The following SLC16A9 variants were observed in gnomAD, a reference collection of about 807,000 sequenced individuals.
SLC16A9 encodes the protein monocarboxylate transporter 9.
In SLC16A9, 26 loss-of-function variants were observed where a neutral mutation model predicts 44.3. That is an observed-to-expected ratio of 0.59 (90% CI 0.43 to 0.81). The LOEUF (loss-of-function observed/expected upper bound fraction) is 0.81. Among genes scored for constraint, SLC16A9 ranks in the 40% least tolerant of loss-of-function variants. SLC16A9 has a pLI of 0.00. For synonymous variants in SLC16A9, 230 were observed against 225.1 expected (o/e 1.02, Z -0.19); for missense variants, 559 against 595.8 (o/e 0.94, Z 0.64).
rs1840331737 is a variant in SLC16A9 at position 59,694,778 on chromosome 10, T to G, written c.-36-10451A>C. On this transcript the variant is annotated intron_variant, in intron 1 of 5. Transcript: ENST00000395348. ...TCGTGCTACTGCGCTCCAACCTGGG[T>G]AACAGAGCGAGACTCCATCTCAAAT... Among the ~76,000 whole-genome samples, 3 of 85,900 alleles carry G rather than the reference T, an allele frequency of 3.5e-5. No homozygotes were observed. In the South Asian group the frequency reaches 1.0e-3, roughly 30 times the overall value. 56.4% of individuals were successfully genotyped at this position (85,900 alleles called of 152,430 possible).
At chr10:59,696,601 C>T (rs1252078792) in intron 1 of SLC16A9, among the ~76,000 whole-genome samples, 7 of 151,028 alleles carry the variant, frequency 4.6e-5, no homozygotes, top group Admixed American at 1.3e-4. Flanking sequence ...TGCCTGGCTG[C>T]CCAGTCTGGA....
chr10:59,703,262 C>T (rs917342519), intron 1 of SLC16A9, among the ~76,000 whole-genome samples: 2 of 152,214 alleles, frequency 1.3e-5, no homozygotes, highest in Admixed American at 6.5e-5. Flanking sequence ...GCTAGGACTA[C>T]AGGCAGGTGC....
intron 1 of SLC16A9, among the ~76,000 whole-genome samples, chr10:59,696,664 T>C (rs1190855712): frequency 6.8e-6 from 1 of 146,054 alleles, no homozygotes; most frequent in Non-Finnish European, 1.5e-5. Flanking sequence ...GTGAGGAGTG[T>C]CTCTGCCCGG....
intron 1 of SLC16A9, among the ~76,000 whole-genome samples, chr10:59,684,882 G>A (rs1840098976): frequency 1.3e-5 from 2 of 152,182 alleles, no homozygotes; most frequent in Admixed American, 6.5e-5. Context: ...ATCATGCACT[G>A]GATGTGGCTA....
At chr10:59,697,681 G>A (rs1303681486) in intron 1 of SLC16A9, among the ~76,000 whole-genome samples, 6 of 147,356 alleles carry the variant, frequency 4.1e-5, no homozygotes, top group Non-Finnish European at 9.0e-5. Flanking sequence ...CTATTGTCCT[G>A]TGACCCTGCC....
chr10:59,675,064 G>C (rs1005779643), intron 2 of SLC16A9, among the ~76,000 whole-genome samples: 1 of 152,018 alleles, frequency 6.6e-6, no homozygotes, highest in Admixed American at 6.6e-5. Context: ...ATGGAAACAG[G>C]GTTTAAAATT....
At chr10:59,700,756 C>T (rs979484735) in intron 1 of SLC16A9, among the ~76,000 whole-genome samples, 2 of 152,194 alleles carry the variant, frequency 1.3e-5, no homozygotes, top group African/African-American at 4.8e-5. Context: ...TGATTTCTGG[C>T]TTCTGATGCA....
rs757332576 is a variant in SLC16A9, at chr10:59,653,715, G to C, written c.1311C>G (p.Phe437Leu). The stretch of plus-strand genomic sequence containing the variant: ...CTAGGCTATTTCCAAGTCCAGCAAA[G>C]AACATTAATATCCCATAGGCATGGG... ...KLAHAYGILM[F>L]FAGLGNSLGP... The change falls in exon 5 of 6, where the codon TTC becomes TTG. Residue 437 changes from phenylalanine (F) to leucine (L), a missense_variant. Coordinates refer to ENST00000395348, the MANE Select transcript of SLC16A9 (RefSeq NM_194298.3). 6.2e-7 allele frequency: 1 copy of C among 1,613,940 alleles called. No homozygotes were observed. The highest frequency in any genetic ancestry group is 8.5e-7 in the Non-Finnish European group (1 of 1,179,948).
intron 1 of SLC16A9, among the ~76,000 whole-genome samples, chr10:59,692,120 C>G (rs1327167611): frequency 6.6e-6 from 1 of 152,196 alleles, no homozygotes; most frequent in Non-Finnish European, 1.5e-5. Context: ...ATTTGAATCT[C>G]AATCACTACC....
intron 3 of SLC16A9, among the ~76,000 whole-genome samples, chr10:59,669,108 A>G (rs1564700387): frequency 2.6e-5 from 4 of 152,196 alleles, no homozygotes; most frequent in African/African-American, 9.7e-5. Context: ...AGAAAACCAT[A>G]ATCAGCTAGC....
Position 59,654,239 on chromosome 10 carries a change from TTG to T in SLC16A9, c.785_786del (p.Thr262LysfsTer4). On this transcript the variant is annotated frameshift_variant, in exon 5 of 6. Coordinates refer to ENST00000395348, the MANE Select transcript of SLC16A9 (RefSeq NM_194298.3). LOFTEE classifies it high-confidence loss of function. ...LLHKNPTVTH[T>X]KEPETYKKKV... ...TTCTTTTTGTACGTTTCAGGCTCTT[TTG>T]TGTGTGTCACTGTGGGGTTTTTATG... is the stretch of plus-strand genomic sequence containing the variant. 1 of 1,614,202 alleles carries T rather than the reference TTG, an allele frequency of 6.2e-7. No homozygotes were observed. The highest frequency in any genetic ancestry group is 8.5e-7 in the Non-Finnish European group (1 of 1,180,034).
intron 4 of SLC16A9, among the ~76,000 whole-genome samples, chr10:59,660,984 G>A (rs1353916189): frequency 3.9e-5 from 6 of 152,102 alleles, no homozygotes; most frequent in Admixed American, 2.6e-4. Context: ...CAATAACCTA[G>A]GTATTGATGG....
At chr10:59,698,964 G>A (rs892521556) in intron 1 of SLC16A9, among the ~76,000 whole-genome samples, 1 of 152,014 alleles carries the variant, frequency 6.6e-6, no homozygotes, top group Non-Finnish European at 1.5e-5. Flanking sequence ...GGCTTGTCTC[G>A]AACTCCTGAC....
Position 59,653,899 on chromosome 10 carries a change from A to T in SLC16A9, c.1127T>A (p.Val376Asp). 6.2e-7 allele frequency: 1 copy of T among 1,614,206 alleles called. No homozygotes were observed. The highest frequency in any genetic ancestry group is 8.5e-7 in the Non-Finnish European group (1 of 1,180,044). ...TAGGCCCATGATGATTAAGGTAGCAACATAAAGATACAAGGTATTAATCCA... is the reference window on the plus strand; with the variant it reads ...TAGGCCCATGATGATTAAGGTAGCATCATAAAGATACAAGGTATTAATCCA... ...FKWINTLYLY[V>D]ATLIIMGLAL... Residue 376 changes from valine (V) to aspartate (D), a missense_variant, in exon 5 of 6, where the codon GTT becomes GAT. Physicochemically the swap from Val to Asp is radical, Grantham distance 152. Transcript: ENST00000395348.
intron 2 of SLC16A9, among the ~76,000 whole-genome samples, chr10:59,676,922 CAAAAA>C (rs35816952): frequency 1.9e-5 from 2 of 104,842 alleles, no homozygotes; most frequent in Admixed American, 9.9e-5. Context: ...ACTCTTGTCT[CAAAAA>C]AAAAAAAAAA....
chr10:59,695,476 T>C (rs1840351084), intron 1 of SLC16A9, among the ~76,000 whole-genome samples: 1 of 152,084 alleles, frequency 6.6e-6, no homozygotes, highest in African/African-American at 2.4e-5. Context: ...AAACACACAG[T>C]TACAATGACC....
At chr10:59,696,279 T>C (rs910925939) in intron 1 of SLC16A9, among the ~76,000 whole-genome samples, 2 of 152,204 alleles carry the variant, frequency 1.3e-5, no homozygotes, top group Admixed American at 1.3e-4. Flanking sequence ...GGTTTTCGTA[T>C]TTTTTTGGTG....
chr10:59,708,828 AG>A (rs1840699983), intron 1 of SLC16A9: 1 of 152,332 alleles, frequency 6.6e-6, no homozygotes, highest in Admixed American at 6.5e-5. Flanking sequence ...AGTCCTCCCA[AG>A]TGCTGGCTGA....
chr10:59,691,421 G>T (rs1186348981), intron 1 of SLC16A9, among the ~76,000 whole-genome samples: 1 of 152,076 alleles, frequency 6.6e-6, no homozygotes, highest in East Asian at 1.9e-4. Flanking sequence ...AAGTTTCACA[G>T]AATTAATTTG....
Sources: allele counts gnomAD v4.1 joint callset (sites outside exome capture counted in the v4.1 genomes callset), GRCh38; gene constraint gnomAD v4.1.1; transcripts MANE v1.5; gene names NCBI Gene and HGNC (gene_info 2026-07-23, HGNC 2026-07-21).